Variants in NCAM2 observed in about 807,000 individuals in gnomAD.
The protein encoded by NCAM2 is N-CAM-2.
NCAM2 carries 30 observed loss-of-function variants against 98.1 expected under a neutral mutation model. That is an observed-to-expected ratio of 0.31 (90% CI 0.23 to 0.41). The LOEUF is 0.41. Among genes scored for constraint, NCAM2 ranks in the 10% least tolerant of loss-of-function variants. The probability of loss-of-function intolerance (pLI) is 1.00; values close to 1 mark genes in which losing one functional copy is unlikely to be tolerated. For missense variants in NCAM2, 867 were observed against 1,005.8 expected (o/e 0.86, Z 1.87); for synonymous variants, 368 against 342.4 (o/e 1.07, Z -0.83).
At chr21:21,116,642 C>T (rs2066565931) in intron 1 of NCAM2, among the ~76,000 whole-genome samples, 1 of 152,092 alleles carries the variant, frequency 6.6e-6, no homozygotes, top group South Asian at 2.1e-4. Flanking sequence ...ATCACGAGGT[C>T]AGGAGATTGA....
chr21:21,151,615 G>A (rs930877619), intron 1 of NCAM2, among the ~76,000 whole-genome samples: 1 of 151,962 alleles, frequency 6.6e-6, no homozygotes, highest in African/African-American at 2.4e-5. Context: ...TGGCATACAC[G>A]TACAGGATTT....
chr21:21,466,768 T>C (rs199720561), intron 13 of NCAM2, 43 bp downstream of exon 13: 7 of 1,550,696 alleles, frequency 4.5e-6, no homozygotes, highest in East Asian at 2.3e-5. Flanking sequence ...TGTCATTTTC[T>C]TCACTTGCAA....
chr21:21,438,635 TG>T, intron 12 of NCAM2, among the ~76,000 whole-genome samples: 1 of 152,318 alleles, frequency 6.6e-6, no homozygotes, highest in Non-Finnish European at 1.5e-5. Context: ...ACTTTTTGGT[TG>T]GGGAAGCTAC....
chr21:21,138,282 G>A (rs994907082), intron 1 of NCAM2, among the ~76,000 whole-genome samples: 2 of 152,126 alleles, frequency 1.3e-5, no homozygotes, highest in Non-Finnish European at 2.9e-5. Flanking sequence ...AATCTCTCCA[G>A]TTCATTCTGC....
At chr21:21,209,701 G>T (rs536246133) in intron 1 of NCAM2, among the ~76,000 whole-genome samples, 54 of 150,518 alleles carry the variant, frequency 3.6e-4, no homozygotes, top group Middle Eastern at 3.4e-3. Context: ...CTGATTGTCT[G>T]CTCTGTGTTA....
chr21:21,340,177 A>G (rs957105245), intron 8 of NCAM2, among the ~76,000 whole-genome samples: 2 of 151,890 alleles, frequency 1.3e-5, no homozygotes, highest in African/African-American at 2.4e-5. Flanking sequence ...AAAAGTATTT[A>G]CTTTCATGCC....
intron 6 of NCAM2, among the ~76,000 whole-genome samples, chr21:21,330,206 C>A (rs940361397): frequency 1.3e-5 from 2 of 151,558 alleles, no homozygotes; most frequent in African/African-American, 4.8e-5. Flanking sequence ...CTTTAATTTT[C>A]TTTTCCATTT....
At chr21:21,132,908 A>C (rs944587745) in intron 1 of NCAM2, among the ~76,000 whole-genome samples, 1 of 152,232 alleles carries the variant, frequency 6.6e-6, no homozygotes, top group Non-Finnish European at 1.5e-5. Flanking sequence ...ACCGTTAGAC[A>C]TAACCACTTT....
intron 1 of NCAM2, chr21:21,210,747 G>GCCTTTC: frequency 3.6e-6 from 3 of 843,974 alleles, no homozygotes; most frequent in Non-Finnish European, 4.7e-6. Flanking sequence ...AAATGTCATT[G>GCCTTTC]AAAGGCAATG....
chr21:21,412,415 G>A (rs2076905791), intron 10 of NCAM2, among the ~76,000 whole-genome samples: 1 of 152,138 alleles, frequency 6.6e-6, no homozygotes, highest in African/African-American at 2.4e-5. Flanking sequence ...GAGGAGGCGG[G>A]CAGTTCAGTC....
chr21:21,529,408 G>T (rs1989501859), intron 16 of NCAM2, among the ~76,000 whole-genome samples: 1 of 152,000 alleles, frequency 6.6e-6, no homozygotes, highest in Admixed American at 6.6e-5. Context: ...TCCTTCCATT[G>T]CATTTAAGTT....
At chr21:21,142,399 G>C (rs1439741955) in intron 1 of NCAM2, among the ~76,000 whole-genome samples, 1 of 25,038 alleles carries the variant, frequency 4.0e-5, no homozygotes, top group Admixed American at 5.3e-4. Flanking sequence ...TTTTTTTTGA[G>C]ATAGAGTCTC....
chr21:21,332,920 G>A (rs1161603676), intron 6 of NCAM2, among the ~76,000 whole-genome samples: 1 of 152,162 alleles, frequency 6.6e-6, no homozygotes, highest in Non-Finnish European at 1.5e-5. Context: ...TATAGTTTAT[G>A]TTAATACAAT....
intron 3 of NCAM2, 45 bp downstream of exon 3, chr21:21,284,445 C>T: frequency 1.4e-6 from 2 of 1,436,918 alleles, no homozygotes; most frequent in Non-Finnish European, 1.9e-6. Context: ...ATTTCAGTTG[C>T]TTATAAATAA....
intron 16 of NCAM2, among the ~76,000 whole-genome samples, chr21:21,523,603 A>G (rs2125865): frequency 0.61 from 92,376 of 151,258 alleles, 28,378 homozygotes; most frequent in East Asian, 0.77. Context: ...TGTATATACT[A>G]CGTATAAGAT....
At chr21:21,343,354 CACAT>C (rs200163006) in intron 8 of NCAM2, among the ~76,000 whole-genome samples, 22,916 of 131,396 alleles carry the variant, frequency 0.17, 1,999 homozygotes, top group Middle Eastern at 0.28. Flanking sequence ...ACTATCTATA[CACAT>C]ACACACACAC....
chr21:21,104,297 T>C (rs555281972), intron 1 of NCAM2, among the ~76,000 whole-genome samples: 1 of 152,290 alleles, frequency 6.6e-6, no homozygotes, highest in East Asian at 1.9e-4. Flanking sequence ...AGTACATTAG[T>C]GTATTGTATA....
chr21:21,367,149 G>A (rs563448734), intron 8 of NCAM2, among the ~76,000 whole-genome samples: 6 of 151,906 alleles, frequency 3.9e-5, no homozygotes, highest in South Asian at 2.1e-4. Flanking sequence ...TTCTCTTTGC[G>A]GTTTTCATAG....
chr21:21,426,327 G>T (rs1157226249), intron 11 of NCAM2, among the ~76,000 whole-genome samples: 1 of 152,084 alleles, frequency 6.6e-6, no homozygotes, highest in African/African-American at 2.4e-5. Context: ...AGCAATTATG[G>T]TGACACTGCA....
Sources: allele counts gnomAD v4.1 joint callset (sites outside exome capture counted in the v4.1 genomes callset), GRCh38; gene constraint gnomAD v4.1.1; transcripts MANE v1.5; gene names NCBI Gene and HGNC (gene_info 2026-07-23, HGNC 2026-07-21).